C12orf56: variants seen among roughly 807,000 people sequenced by gnomAD.
The protein encoded by C12orf56 is uncharacterized protein C12orf56.
C12orf56 carries 71 observed loss-of-function variants against 69.9 expected under a neutral mutation model. The observed-to-expected ratio is 1.02, with a 90% confidence interval of 0.84 to 1.24. The LOEUF (loss-of-function observed/expected upper bound fraction) is 1.24. Ranked by LOEUF, C12orf56 falls within the 50% of genes most tolerant of loss-of-function variation. The pLI is 0.00. For missense variants in C12orf56, 732 were observed against 738.5 expected, an observed-to-expected ratio of 0.99 and a Z score of 0.10; for synonymous variants, 276 against 274.1, an observed-to-expected ratio of 1.01 and a Z score of -0.07.
intron 3 of C12orf56, among the ~76,000 whole-genome samples, chr12:64,328,656 G>T (rs1157609997): frequency 8.4e-6 from 1 of 119,530 alleles, no homozygotes; most frequent in Admixed American, 1.2e-4. Context: ...CTCCAGCCTG[G>T]GCGACAGTGC....
At chr12:64,330,451 A>G (rs1023663432) in intron 3 of C12orf56, among the ~76,000 whole-genome samples, 1 of 152,142 alleles carries the variant, frequency 6.6e-6, no homozygotes, top group African/African-American at 2.4e-5. Flanking sequence ...AACTGTCACC[A>G]GGCATCTTGA....
chr12:64,353,167 A>G (rs1246667899), intron 1 of C12orf56, 111 bp from the exon 2 acceptor site: 4 of 1,057,000 alleles, frequency 3.8e-6, no homozygotes, highest in East Asian at 2.5e-5. Flanking sequence ...ACATATATAT[A>G]TATTTTTCAA....
chr12:64,285,915 A>C (rs2038194156), intron 7 of C12orf56, 39 bp downstream of exon 7: 1 of 345,794 alleles, frequency 2.9e-6, no homozygotes, highest in Non-Finnish European at 4.4e-6. Context: ...ACACCCTAGC[A>C]AAAAAAAAAA....
intron 1 of C12orf56, among the ~76,000 whole-genome samples, chr12:64,365,627 T>A (rs1481516779): frequency 1.3e-5 from 2 of 149,526 alleles, no homozygotes; most frequent in Non-Finnish European, 3.0e-5. Context: ...CAGCAGGGCA[T>A]GGTGGCTCAT....
rs1158083654 is a variant in C12orf56, at chr12:64,308,951, G to GAAA, written c.968+3725_968+3727dup. Among the ~76,000 whole-genome samples, 47 of 90,322 alleles carry GAAA rather than the reference G, an allele frequency of 5.2e-4. 1 individual carries two copies. The highest frequency in any genetic ancestry group is 0.011 in the Middle Eastern group (2 of 190). 59.3% of individuals were successfully genotyped at this position (90,322 alleles called of 152,430 possible). On this transcript the variant is annotated intron_variant, in intron 5 of 12. Coordinates refer to ENST00000543942, the MANE Select transcript of C12orf56 (RefSeq NM_001170633.2). ...AAGAAAGAAAGAAAGAAGAAAGAAA[G>GAAA]AAAGAAAGAAAGAAAGAAAGAAAAG...
At chr12:64,313,274 A>AAAAAGAAAGAAAGAAAG (rs762664621) in intron 4 of C12orf56, among the ~76,000 whole-genome samples, 2,115 of 81,380 alleles carry the variant, frequency 0.026, 48 homozygotes, top group African/African-American at 0.035. Context: ...AAAAAAAAAA[A>AAAAAGAAAGAAAGAAAG]AAAGAAAGAA....
chr12:64,296,781 TC>T (rs2038371303), intron 6 of C12orf56, among the ~76,000 whole-genome samples: 1 of 152,008 alleles, frequency 6.6e-6, no homozygotes, highest in African/African-American at 2.4e-5. Context: ...GTTGATTGGG[TC>T]ATGAGGCTCC....
intron 1 of C12orf56, among the ~76,000 whole-genome samples, chr12:64,359,102 C>A (rs776638443): frequency 2.6e-5 from 4 of 152,130 alleles, no homozygotes; most frequent in Non-Finnish European, 5.9e-5. Flanking sequence ...ATTTTCTAAC[C>A]TTCTTTTGAT....
At chr12:64,281,429 G>A (rs562205618) in intron 8 of C12orf56, among the ~76,000 whole-genome samples, 2 of 152,028 alleles carry the variant, frequency 1.3e-5, no homozygotes, top group East Asian at 1.9e-4. Flanking sequence ...AAAATCAGCC[G>A]AGCGTGGTGG....
chr12:64,266,664 T>A lies in C12orf56; in HGVS notation c.*519A>T. ...GAAGAGCATGCTCCTGTGCCTGGCA[T>A]GGTTTCACCGAGAACACTGTGCCCA... On this transcript the variant is annotated 3_prime_UTR_variant, in exon 13 of 13. Transcript: ENST00000543942. 1.1e-6 allele frequency: 1 copy of A among 880,562 alleles called. No individual in the cohort carries two copies. The highest frequency in any genetic ancestry group is 1.5e-6 in the Non-Finnish European group (1 of 648,172). The allele number at this position is 880,562 out of a possible 1,614,324, so 54.5% of individuals were successfully genotyped here.
chr12:64,321,897 A>T (rs2164504), intron 3 of C12orf56, among the ~76,000 whole-genome samples: 67,850 of 151,646 alleles, frequency 0.45, 15,534 homozygotes, highest in African/African-American at 0.54. Context: ...GTTCACTGAG[A>T]TTCTTGAACC....
intron 11 of C12orf56, among the ~76,000 whole-genome samples, chr12:64,271,195 CTG>C (rs1397675079): frequency 2.0e-5 from 3 of 149,990 alleles, no homozygotes; most frequent in Non-Finnish European, 3.0e-5. Flanking sequence ...AGGTCGGGCA[CTG>C]TGCCTCATCT....
intron 3 of C12orf56, among the ~76,000 whole-genome samples, chr12:64,323,523 T>G (rs924442399): frequency 2.6e-5 from 4 of 151,498 alleles, no homozygotes; most frequent in African/African-American, 7.3e-5. Flanking sequence ...TAACAGAGTT[T>G]TAACCTCCAC....
chr12:64,352,745 T>C (rs1201781609), intron 2 of C12orf56, 149 bp downstream of exon 2: 14 of 583,208 alleles, frequency 2.4e-5, no homozygotes, highest in Non-Finnish European at 3.1e-5. Context: ...TCTTTCAATG[T>C]GTCCCCATGC....
Position 64,296,870 on chromosome 12 carries a change from C to CT in C12orf56, c.1113+6764dup, listed in dbSNP as rs71092950. 8.0e-3 allele frequency among the ~76,000 whole-genome samples: 1,051 copies of CT among 131,124 alleles called. 19 individuals carry two copies. Among genetic ancestry groups the CT allele is most frequent in the African/African-American group, 0.028 (1,011 of 36,572 alleles). The allele number at this position is 131,124 out of a possible 152,430, so 86.0% of individuals were successfully genotyped here. ...AAGATGAGTTTGGCCCCCTTCCACC[C>CT]TTTTTTTTTTTTTTGCATGCTCTTT... On this transcript the variant is annotated intron_variant, in intron 6 of 12. Coordinates refer to ENST00000543942, the MANE Select transcript of C12orf56 (RefSeq NM_001170633.2).
Position 64,309,186 on chromosome 12 carries a change from T to C in C12orf56, c.968+3493A>G, listed in dbSNP as rs563599217. On this transcript the variant is annotated intron_variant, in intron 5 of 12. Transcript: ENST00000543942. Reference sequence around the variant, plus strand: ...TTTTTAGGTGTACAATTCAGTGGCATTAAGTTAATTCACAATGTTCTACAA... The same window carrying C: ...TTTTTAGGTGTACAATTCAGTGGCACTAAGTTAATTCACAATGTTCTACAA... Among the ~76,000 whole-genome samples the C allele has an allele frequency of 1.1e-4, 16 of 152,346 alleles. No homozygotes were observed. In the South Asian group the frequency reaches 3.3e-3, roughly 32 times the overall value.
At chr12:64,294,905 T>A (rs7973234) in intron 6 of C12orf56, among the ~76,000 whole-genome samples, 104,898 of 149,944 alleles carry the variant, frequency 0.7, 37,641 homozygotes, top group Non-Finnish European at 0.79. Context: ...GAAAAAAAAA[T>A]TTTTTTTTTT....
In C12orf56 at chr12:64,308,928, GAAAGAAAGAAAGAAGA is replaced by G. The variant is rs1421429963; in HGVS notation, c.968+3735_968+3750del. On this transcript the variant is annotated intron_variant, in intron 5 of 12. Transcript: ENST00000543942. ...AGAAAGAAAGAAAGAAAGAAAGAAA[GAAAGAAAGAAAGAAGA>G]AAGAAAGAAAGAAAGAAAGAAAGAA... Among the ~76,000 whole-genome samples, 111 of 38,028 alleles carry G rather than the reference GAAAGAAAGAAAGAAGA, an allele frequency of 2.9e-3. 1 individual carries two copies. Among genetic ancestry groups the G allele is most frequent in the African/African-American group, 9.3e-3 (98 of 10,570 alleles). The allele number at this position is 38,028 out of a possible 152,430, so 24.9% of individuals were successfully genotyped here. A position where few individuals can be genotyped will look rare whatever the true frequency, so the allele number is the denominator to read the frequency against.
chr12:64,349,292 G>A (rs995030859), intron 2 of C12orf56, among the ~76,000 whole-genome samples: 2 of 152,166 alleles, frequency 1.3e-5, no homozygotes, highest in African/African-American at 4.8e-5. Context: ...TAATGATCAA[G>A]GGAAAGCAAA....
Sources: allele counts gnomAD v4.1 joint callset (sites outside exome capture counted in the v4.1 genomes callset), GRCh38; gene constraint gnomAD v4.1.1; transcripts MANE v1.5; gene names NCBI Gene and HGNC (gene_info 2026-07-23, HGNC 2026-07-21).